DMD: variants seen among roughly 807,000 people sequenced by gnomAD.
The protein encoded by DMD is mutant dystrophin.
A neutral mutation model predicts 330.1 loss-of-function variants in DMD; 63 were observed. The ratio of observed to expected loss-of-function variants is 0.19; its 90% CI spans 0.16 to 0.24. The LOEUF (loss-of-function observed/expected upper bound fraction) is 0.24, where lower values mean the gene tolerates loss of function less well. Ranked by LOEUF, DMD falls within the 10% of genes least tolerant of loss-of-function variation. The probability of loss-of-function intolerance (pLI) is 1.00; values close to 1 mark genes in which losing one functional copy is unlikely to be tolerated. For missense variants in DMD, 3,344 were observed against 2,684.1 expected (o/e 1.25, Z -5.43); for synonymous variants, 1,223 against 959.8 (o/e 1.27, Z -5.07).
At chrX:33,019,355 A>G (rs953011284) in intron 2 of DMD, among the ~76,000 whole-genome samples, 1 of 111,513 alleles carries the variant, frequency 9.0e-6, no homozygotes, top group South Asian at 3.7e-4. Flanking sequence ...CATTATCTAG[A>G]TTTGATGTCT....
intron 62 of DMD, among the ~76,000 whole-genome samples, chrX:31,310,109 C>T (rs185286486): frequency 1.9e-3 from 212 of 109,552 alleles, no homozygotes; most frequent in African/African-American, 6.7e-3. Flanking sequence ...CCCTTCACAT[C>T]CCCCAGGGAA....
intron 2 of DMD, among the ~76,000 whole-genome samples, chrX:32,969,370 A>G (rs1333179066): frequency 1.1e-5 from 1 of 93,498 alleles, no homozygotes; most frequent in South Asian, 5.2e-4. Context: ...TATTTTATAC[A>G]TACATATATG....
chrX:32,306,952 T>C (rs1208886203), intron 42 of DMD, among the ~76,000 whole-genome samples: 1 of 111,610 alleles, frequency 9.0e-6, no homozygotes, highest in East Asian at 2.8e-4. Flanking sequence ...AAAATTCACA[T>C]TTATTGATAC....
chrX:31,689,561 T>A (rs1439247417), intron 52 of DMD, among the ~76,000 whole-genome samples: 6 of 111,455 alleles, frequency 5.4e-5, no homozygotes, highest in African/African-American at 2.0e-4. Flanking sequence ...AATTTATAGA[T>A]TCAATGCCAT....
chrX:32,372,577 A>T (rs1453486832), intron 34 of DMD, among the ~76,000 whole-genome samples: 1 of 111,713 alleles, frequency 9.0e-6, no homozygotes, highest in Admixed American at 9.5e-5. Context: ...GGGGTGATAA[A>T]TATCACTGTG....
intron 59 of DMD, among the ~76,000 whole-genome samples, chrX:31,464,624 C>G (rs1473711885): frequency 1.2e-4 from 14 of 112,523 alleles, no homozygotes; most frequent in Non-Finnish European, 9.4e-5. Context: ...GTATACTACA[C>G]TTACATAAGT....
chrX:32,987,654 T>C lies in DMD; in HGVS notation c.93+32485A>G, dbSNP rs186390057. 2.7e-5 allele frequency among the ~76,000 whole-genome samples: 3 copies of C among 111,349 alleles called. No homozygotes were observed. The Admixed American group carries it at 2.9e-4, about 11-fold the overall frequency. ...TTTCTTTTCTCCTTTCCATTTAGCATGAAATGAAGGCTTTTATAATCAACC... is the reference window on the plus strand; with the variant it reads ...TTTCTTTTCTCCTTTCCATTTAGCACGAAATGAAGGCTTTTATAATCAACC... On this transcript the variant is annotated intron_variant, in intron 2 of 78. Coordinates refer to ENST00000357033, the MANE Select transcript of DMD (RefSeq NM_004006.3).
intron 61 of DMD, 61 bp from the exon 62 acceptor site, chrX:31,323,719 GACA>G: frequency 2.0e-6 from 2 of 994,942 alleles, no homozygotes; most frequent in Admixed American, 4.7e-5. Flanking sequence ...AAACAGGAAA[GACA>G]ACATTAATCT....
Position 32,310,147 on chromosome X carries a change from G to A in DMD, c.6052C>T (p.Leu2018Phe). 8.3e-7 allele frequency: 1 copy of A among 1,209,514 alleles called. No homozygotes were observed. The highest frequency in any genetic ancestry group is 1.1e-6 in the Non-Finnish European group (1 of 893,900). Residue 2018 changes from leucine to phenylalanine, a missense_variant, in exon 42 of 79, where the codon CTC (leucine) becomes TTC (phenylalanine). Physicochemically the swap from Leu to Phe is conservative, Grantham distance 22. Transcript: ENST00000357033. ...SQALLEVEQL[L>F]NAPDLCAKDF... ...TTAGCACAGAGGTCAGGAGCATTGA[G>A]AAGTTGTTCCACTTCTAATAGGGCT... is the stretch of plus-strand genomic sequence containing the variant.
At chrX:32,765,492 G>T (rs1669787844) in intron 7 of DMD, among the ~76,000 whole-genome samples, 1 of 111,422 alleles carries the variant, frequency 9.0e-6, no homozygotes, top group East Asian at 2.8e-4. Context: ...ACAGCCTACA[G>T]AAATGTGAGC....
intron 9 of DMD, among the ~76,000 whole-genome samples, chrX:32,654,217 C>G (rs1344558526): frequency 1.8e-5 from 2 of 111,465 alleles, no homozygotes; most frequent in Non-Finnish European, 3.8e-5. Flanking sequence ...GAGGGCATCC[C>G]TGTCTTGTGC....
chrX:31,277,410 G>A (rs2052226346), intron 62 of DMD, among the ~76,000 whole-genome samples: 1 of 111,500 alleles, frequency 9.0e-6, no homozygotes, highest in South Asian at 3.8e-4. Context: ...AGATGTCAAA[G>A]CAAAAGAAAA....
chrX:32,366,626 C>T (rs1217039959), intron 34 of DMD, among the ~76,000 whole-genome samples: 1 of 111,260 alleles, frequency 9.0e-6, no homozygotes, highest in East Asian at 2.8e-4. Flanking sequence ...TATAGGCTGG[C>T]CTCATAGAGT....
chrX:31,872,652 G>A (rs1183943329), intron 48 of DMD, among the ~76,000 whole-genome samples: 8 of 111,635 alleles, frequency 7.2e-5, no homozygotes, highest in East Asian at 2.8e-4. Flanking sequence ...TGCTTTTACC[G>A]TGAGCTACAA....
intron 32 of DMD, among the ~76,000 whole-genome samples, chrX:32,388,972 C>A (rs1439429393): frequency 9.0e-6 from 1 of 111,335 alleles, no homozygotes; most frequent in Non-Finnish European, 1.9e-5. Flanking sequence ...TGTCTTGAGG[C>A]ATTTCACTGT....
In DMD at chrX:31,822,652, GGGTGTGTGT is replaced by G. The variant is rs199914569; in HGVS notation, c.7201-2578_7201-2570del. ...TTTGGCCATACAGAAAAAGGCAGAG[GGGTGTGTGT>G]GTGTGTGTGTGTGTGTGTGTGTGTG... On this transcript the variant is annotated intron_variant, in intron 49 of 78. Transcript: ENST00000357033. Among the ~76,000 whole-genome samples, 34 of 68,411 alleles carry G rather than the reference GGGTGTGTGT, an allele frequency of 5.0e-4. No homozygotes were observed. In the South Asian group the frequency reaches 8.2e-3, roughly 17 times the overall value. The allele number at this position is 68,411 out of a possible 115,157, so 59.4% of individuals were successfully genotyped here.
At chrX:32,415,513 G>A (rs1227694201) in intron 29 of DMD, among the ~76,000 whole-genome samples, 1 of 112,317 alleles carries the variant, frequency 8.9e-6, no homozygotes, top group Non-Finnish European at 1.9e-5. Context: ...TGGAATGTCA[G>A]GCTTATGAAT....
chrX:33,209,913 AAT>A (rs776992826), intron 1 of DMD, among the ~76,000 whole-genome samples: 10 of 108,935 alleles, frequency 9.2e-5, no homozygotes, highest in Non-Finnish European at 9.6e-5. Context: ...AATTATGTAG[AAT>A]ATATATATAT....
chrX:32,766,837 A>G (rs113115195), intron 7 of DMD, among the ~76,000 whole-genome samples: 111 of 111,611 alleles, frequency 9.9e-4, no homozygotes, highest in African/African-American at 3.5e-3. Flanking sequence ...ATTACTCCAC[A>G]TTGTATTCAT....
Sources: gnomAD v4.1 joint callset for allele counts (sites outside exome capture counted in the v4.1 genomes callset) on GRCh38, gnomAD v4.1.1 for gene constraint, MANE v1.5 for transcripts, NCBI Gene and HGNC (gene_info 2026-07-23, HGNC 2026-07-21) for gene names.